ADGRL1: variants seen among roughly 807,000 people sequenced by gnomAD.
The protein encoded by ADGRL1 is adhesion G protein-coupled receptor L1.
A neutral mutation model predicts 148.9 loss-of-function variants in ADGRL1; 31 were observed. The observed-to-expected ratio is 0.21, with a 90% CI of 0.16 to 0.28. The LOEUF (loss-of-function observed/expected upper bound fraction) is 0.28, where lower values mean the gene tolerates loss of function less well. ADGRL1 is among the 10% of genes least tolerant of loss of function. The pLI is 1.00. For missense variants in ADGRL1, 1,521 were observed against 2,058.8 expected, an observed-to-expected ratio of 0.74 and a Z score of 5.05; for synonymous variants, 937 against 900.3, an observed-to-expected ratio of 1.04 and a Z score of -0.73.
chr19:14,155,909 G>A lies in ADGRL1; in HGVS notation c.3125+201C>T, dbSNP rs1001041828. ...ACCGATGCCCCTAAAACCACAGGTT[G>A]GACGTGCTAATGATACGCTATCTAA... On this transcript the variant is annotated intron_variant, in intron 17 of 22. Transcript: ENST00000361434. This position sits in a 1 kb window ranked among gnomAD's most constrained non-coding sequence, Gnocchi z 5.0. The A allele has an allele frequency of 2.5e-4, 146 of 595,576 alleles. No individual in the cohort carries two copies. The highest frequency in any genetic ancestry group is 3.6e-4 in the Non-Finnish European group (118 of 332,368). The allele number at this position is 595,576 out of a possible 1,614,324, so 36.9% of individuals were successfully genotyped here. A position where few individuals can be genotyped will look rare whatever the true frequency, so the allele number is the denominator to read the frequency against.
At chr19:14,191,646 G>C (rs561038349) in intron 1 of ADGRL1, 1 of 369,120 alleles carries the variant, frequency 2.7e-6, no homozygotes, top group Non-Finnish European at 5.4e-6. Context: ...TCCTCACAGG[G>C]CCTCTTCTCT....
intron 4 of ADGRL1, chr19:14,166,897 A>T: frequency 9.4e-7 from 1 of 1,064,822 alleles, no homozygotes. Context: ...GGGGATACCG[A>T]CCGGACCAAG....
intron 2 of ADGRL1, among the ~76,000 whole-genome samples, chr19:14,179,345 T>C (rs954754322): frequency 6.6e-6 from 1 of 151,598 alleles, no homozygotes; most frequent in African/African-American, 2.4e-5. Context: ...ATACAAAAAA[T>C]TAGCTGGGCA....
intron 3 of ADGRL1, among the ~76,000 whole-genome samples, chr19:14,176,283 G>A (rs1032155903): frequency 4.0e-5 from 6 of 151,736 alleles, no homozygotes; most frequent in African/African-American, 7.3e-5. Flanking sequence ...CCCAGGAAGC[G>A]GAGGTGGCAG....
At chr19:14,163,461 G>C in intron 4 of ADGRL1, 55 bp from the exon 5 acceptor site, 1 of 1,224,968 alleles carries the variant, frequency 8.2e-7, no homozygotes, top group South Asian at 1.5e-5. Flanking sequence ...AGAGGCGAGA[G>C]GGAGGAGAGA....
chr19:14,191,632 T>C (rs1599506297), intron 1 of ADGRL1: 1 of 379,550 alleles, frequency 2.6e-6, no homozygotes, highest in Middle Eastern at 8.1e-4. Flanking sequence ...GCCTTCTCAC[T>C]ATATCCTCAC....
intron 1 of ADGRL1, among the ~76,000 whole-genome samples, chr19:14,192,895 G>A (rs1418559762): frequency 1.3e-5 from 2 of 152,146 alleles, no homozygotes; most frequent in East Asian, 3.9e-4. Context: ...AACTCCTGAG[G>A]CTGGAACTTG....
chr19:14,177,836 G>A (rs983089489), intron 2 of ADGRL1, 92 bp from the exon 3 acceptor site: 8 of 1,198,924 alleles, frequency 6.7e-6, no homozygotes, highest in South Asian at 1.4e-5. Context: ...CCTCTGGCTC[G>A]GCTGTGTCCT....
Position 14,182,810 on chromosome 19 carries a change from C to T in ADGRL1, c.70+723G>A, listed in dbSNP as rs557990244. ...GCGGGGCAGTGCCAAGGCCCTGGGGCCCAGCTGAACCGTGTCCCTTCAACC... is the reference window on the plus strand; with the variant it reads ...GCGGGGCAGTGCCAAGGCCCTGGGGTCCAGCTGAACCGTGTCCCTTCAACC... On this transcript the variant is annotated intron_variant, in intron 2 of 22. Coordinates refer to ENST00000361434, the MANE Select transcript of ADGRL1 (RefSeq NM_014921.5). Among the ~76,000 whole-genome samples, 787 of 152,288 alleles carry T rather than the reference C, an allele frequency of 5.2e-3. 4 individuals are homozygous for T. Among genetic ancestry groups the T allele is most frequent in the Non-Finnish European group, 7.3e-3 (499 of 68,012 alleles).
chr19:14,186,402 GAATT>G (rs1199767928), intron 1 of ADGRL1, among the ~76,000 whole-genome samples: 6 of 152,290 alleles, frequency 3.9e-5, no homozygotes, highest in East Asian at 1.9e-4. Context: ...ACGTGGCAAT[GAATT>G]AATTATTTGT....
Position 14,148,341 on chromosome 19 carries a change from C to A in ADGRL1, c.*2532G>T, listed in dbSNP as rs1252601014. The A allele has an allele frequency of 6.6e-6, 1 of 152,358 alleles. No homozygotes were observed. Among genetic ancestry groups the A allele is most frequent in the Non-Finnish European group, 1.5e-5 (1 of 68,132 alleles). The allele number at this position is 152,358 out of a possible 1,614,324, so 9.4% of individuals were successfully genotyped here. The stretch of plus-strand genomic sequence containing the variant: ...GCCGGCTGGAACAGGACCCGATACA[C>A]CCTCTCTCCCTTTGATTGTCCGAGT... On this transcript the variant is annotated 3_prime_UTR_variant, in exon 23 of 23. Coordinates refer to ENST00000361434, the MANE Select transcript of ADGRL1 (RefSeq NM_014921.5).
rs372198648 is a variant in ADGRL1, at chr19:14,170,761, G to A, written c.315C>T (p.Val105=). 3 of 1,610,492 alleles carry A rather than the reference G, an allele frequency of 1.9e-6. No individual in the cohort carries two copies. Among genetic ancestry groups the A allele is most frequent in the Non-Finnish European group, 1.7e-6 (2 of 1,177,638 alleles). The change falls in exon 4 of 23, where the codon GTC becomes GTT. Residue 105 remains valine, a synonymous_variant. Coordinates refer to ENST00000361434, the MANE Select transcript of ADGRL1 (RefSeq NM_014921.5). Reference sequence around the variant, plus strand: ...GGTCAGGAAAGGCATCCGAGCCGGCGACCACCACGCACTGGGTGCGGTTGT... The same window carrying A: ...GGTCAGGAAAGGCATCCGAGCCGGCAACCACCACGCACTGGGTGCGGTTGT... ...RCNNRTQCVV[V]AGSDAFPDPC... is the part of the protein sequence containing the mutation.
At chr19:14,163,468 G>A in intron 4 of ADGRL1, 62 bp from the exon 5 acceptor site, 2 of 435,102 alleles carry the variant, frequency 4.6e-6, no homozygotes, top group Non-Finnish European at 6.7e-6. Context: ...AGAGGGAGGA[G>A]AGAGAGAGAG....
intron 12 of ADGRL1, 117 bp downstream of exon 12, chr19:14,158,220 TA>T: frequency 7.8e-7 from 1 of 1,280,752 alleles, no homozygotes; most frequent in Non-Finnish European, 1.1e-6. Context: ...GCCCAAGCTC[TA>T]AAGTGGAAGA....
Position 14,160,768 on chromosome 19 carries a change from GA to G in ADGRL1, c.1511-73del. On this transcript the variant is annotated intron_variant, in intron 6 of 22. Transcript: ENST00000361434. The surrounding 1 kb of genome is among the most constrained non-coding windows in gnomAD (Gnocchi z 5.9). Reference sequence around the variant, plus strand: ...AAGAGAAGGATGGGACAGAGAGGGGGAAAGGAGATGACAGAGAGTGGGGGAC... The same window carrying G: ...AAGAGAAGGATGGGACAGAGAGGGGGAAGGAGATGACAGAGAGTGGGGGAC... 1.2e-6 allele frequency: 1 copy of G among 861,058 alleles called. No homozygotes were observed. Among genetic ancestry groups the G allele is most frequent in the Non-Finnish European group, 2.0e-6 (1 of 508,958 alleles). The allele number at this position is 861,058 out of a possible 1,614,324, so 53.3% of individuals were successfully genotyped here. A position where few individuals can be genotyped will look rare whatever the true frequency, so the allele number is the denominator to read the frequency against.
In ADGRL1 at chr19:14,155,981, G is replaced by A; in HGVS notation, c.3125+129C>T. On this transcript the variant is annotated intron_variant, in intron 17 of 22. Transcript: ENST00000361434. The surrounding 1 kb of genome is among the most constrained non-coding windows in gnomAD (Gnocchi z 5.0). Reference sequence around the variant, plus strand: ...GTGAACACAATAGAACACCCCTGTTGGTACTTAAAATTGCAATGTGTGTCA... The same window carrying A: ...GTGAACACAATAGAACACCCCTGTTAGTACTTAAAATTGCAATGTGTGTCA... 1.4e-6 allele frequency: 1 copy of A among 691,056 alleles called. No homozygotes were observed. Among genetic ancestry groups the A allele is most frequent in the Non-Finnish European group, 2.6e-6 (1 of 386,104 alleles). 42.8% of individuals were successfully genotyped at this position (691,056 alleles called of 1,614,324 possible). A position where few individuals can be genotyped will look rare whatever the true frequency, so the allele number is the denominator to read the frequency against.
At chr19:14,198,728 G>C (rs1166806316) in intron 1 of ADGRL1, among the ~76,000 whole-genome samples, 3 of 151,968 alleles carry the variant, frequency 2.0e-5, no homozygotes, top group African/African-American at 7.3e-5. Context: ...ACCATCTTCT[G>C]TCTGACCTCA....
In ADGRL1 at chr19:14,177,722, C is replaced by T. The variant is rs773627286; in HGVS notation, c.93G>A (p.Pro31=). 8.7e-6 allele frequency: 14 copies of T among 1,612,486 alleles called. No homozygotes were observed. The highest frequency in any genetic ancestry group is 4.5e-5 in the East Asian group (2 of 44,886). ...CCAGCTCCCGGCGCATCAGCCCGAA[C>T]GGGAGCCCGGCCCGGCTCAGGCCTG... ...ATQGLSRAGL[P]FGLMRRELAC... Residue 31 remains proline, a synonymous_variant, in exon 3 of 23, where the codon CCG becomes CCA. Coordinates refer to ENST00000361434, the MANE Select transcript of ADGRL1 (RefSeq NM_014921.5).
chr19:14,159,326 CCT>C lies in ADGRL1; in HGVS notation c.2023+73_2023+74del, dbSNP rs1568576951. 1.3e-5 allele frequency: 21 copies of C among 1,571,712 alleles called. No homozygotes were observed. The highest frequency in any genetic ancestry group is 9.0e-5 in the East Asian group (4 of 44,362). On this transcript the variant is annotated intron_variant, in intron 10 of 22. Coordinates refer to ENST00000361434, the MANE Select transcript of ADGRL1 (RefSeq NM_014921.5). The surrounding 1 kb of genome is among the most constrained non-coding windows in gnomAD (Gnocchi z 6.0). ...AGATGCCCAAGGGTCGGATAGCCCC[CCT>C]GTGGCCTCCAGGCCAGAACCCCGTG...
Sources: gnomAD v4.1 joint callset for allele counts (sites outside exome capture counted in the v4.1 genomes callset) on GRCh38, gnomAD v4.1.1 for gene constraint, Gnocchi (gnomAD v3.1) non-coding constraint, MANE v1.5 for transcripts, NCBI Gene and HGNC (gene_info 2026-07-23, HGNC 2026-07-21) for gene names.